CCSER1: variants seen among roughly 807,000 people sequenced by gnomAD.
CCSER1 encodes serine-rich coiled-coil domain-containing protein 1.
CCSER1 carries 41 observed loss-of-function variants against 82.0 expected under a neutral mutation model. The ratio of observed to expected loss-of-function variants is 0.50; its 90% CI spans 0.39 to 0.65. The LOEUF (loss-of-function observed/expected upper bound fraction) is 0.65, where lower values mean the gene tolerates loss of function less well. Ranked by LOEUF, CCSER1 falls within the 30% of genes least tolerant of loss-of-function variation. CCSER1 has a pLI of 0.00. For missense variants in CCSER1, 1,119 were observed against 1,064.2 expected (o/e 1.05, Z -0.72); for synonymous variants, 414 against 383.9 (o/e 1.08, Z -0.92).
chr4:91,420,842 G>A (rs1231915856), intron 10 of CCSER1, among the ~76,000 whole-genome samples: 1 of 152,086 alleles, frequency 6.6e-6, no homozygotes, highest in East Asian at 1.9e-4. Context: ...GATAGATAGA[G>A]ATATATAGAT....
chr4:90,232,809 T>C (rs1405157711), intron 1 of CCSER1, among the ~76,000 whole-genome samples: 10 of 150,900 alleles, frequency 6.6e-5, no homozygotes, highest in East Asian at 1.9e-4. Flanking sequence ...AAAAAGTGGG[T>C]GAAGGACATG....
intron 7 of CCSER1, among the ~76,000 whole-genome samples, chr4:90,734,081 A>G (rs1014210228): frequency 6.6e-6 from 1 of 151,604 alleles, no homozygotes; most frequent in African/African-American, 2.4e-5. Flanking sequence ...AATTTAATCT[A>G]TAGATTGCTA....
chr4:91,089,953 A>C (rs1723781119), intron 10 of CCSER1, among the ~76,000 whole-genome samples: 1 of 152,218 alleles, frequency 6.6e-6, no homozygotes, highest in African/African-American at 2.4e-5. Flanking sequence ...TTTGGTAGAT[A>C]GTATTCCTTA....
chr4:91,087,913 T>C (rs1723545850), intron 10 of CCSER1, among the ~76,000 whole-genome samples: 2 of 152,240 alleles, frequency 1.3e-5, no homozygotes, highest in African/African-American at 2.4e-5. Flanking sequence ...CAGGGAGGTA[T>C]AAGACAATTA....
chr4:91,251,768 G>A (rs1387933127), intron 10 of CCSER1, among the ~76,000 whole-genome samples: 2 of 152,128 alleles, frequency 1.3e-5, no homozygotes, highest in Non-Finnish European at 2.9e-5. Flanking sequence ...AGGGCCATAT[G>A]CACATATATG....
chr4:90,236,977 A>G (rs1324562334), intron 1 of CCSER1, among the ~76,000 whole-genome samples: 1 of 152,188 alleles, frequency 6.6e-6, no homozygotes, highest in Non-Finnish European at 1.5e-5. Flanking sequence ...TTCATAAAAA[A>G]CAAACCAGTG....
At chr4:91,535,493 A>ATCT (rs60476055) in intron 10 of CCSER1, among the ~76,000 whole-genome samples, 102,780 of 151,390 alleles carry the variant, frequency 0.68, 35,511 homozygotes, top group African/African-American at 0.81. Context: ...GAATAACCAA[A>ATCT]TCTTCCACTA....
intron 5 of CCSER1, among the ~76,000 whole-genome samples, chr4:90,551,706 C>CTCTCTCTCTCTCTATATA: frequency 1.6e-3 from 170 of 104,206 alleles, no homozygotes; most frequent in Middle Eastern, 6.4e-3. Flanking sequence ...CTCTCTCTCT[C>CTCTCTCTCTCTCTATATA]TATATATATA....
At chr4:91,080,437 TA>T (rs1369768941) in intron 9 of CCSER1, among the ~76,000 whole-genome samples, 22 of 152,298 alleles carry the variant, frequency 1.4e-4, no homozygotes, top group African/African-American at 5.3e-4. Context: ...GGTAAATTAA[TA>T]GCACTAAATG....
rs1247041664 is a variant in CCSER1, at chr4:91,147,481, AT to A, written c.2217+61489del. The stretch of plus-strand genomic sequence containing the variant: ...CTGCACCAGTCTTTCAGAGGGAGAG[AT>A]TCCCCGCTCCCATGCCAGCACATGA... On this transcript the variant is annotated intron_variant, in intron 10 of 10. Coordinates refer to ENST00000509176, the MANE Select transcript of CCSER1 (RefSeq NM_001145065.2). Among the ~76,000 whole-genome samples, 5 of 152,144 alleles carry A rather than the reference AT, an allele frequency of 3.3e-5. No individual in the cohort carries two copies. The East Asian group carries it at 9.7e-4, about 29-fold the overall frequency.
At chr4:90,155,837 TA>T (rs1368835821) in intron 1 of CCSER1, among the ~76,000 whole-genome samples, 3 of 151,570 alleles carry the variant, frequency 2.0e-5, no homozygotes, top group African/African-American at 7.3e-5. Context: ...CTGGATTCAT[TA>T]ATTTTTTGAA....
chr4:90,547,390 T>C (rs1247830600), intron 5 of CCSER1, among the ~76,000 whole-genome samples: 3 of 152,050 alleles, frequency 2.0e-5, no homozygotes, highest in African/African-American at 7.2e-5. Context: ...ACAATTTGTA[T>C]CCAGGAAAAC....
At chr4:90,364,723 CAGTT>C (rs1352163090) in intron 3 of CCSER1, among the ~76,000 whole-genome samples, 9 of 151,810 alleles carry the variant, frequency 5.9e-5, no homozygotes, top group Non-Finnish European at 1.3e-4. Context: ...GTAAAGAAGA[CAGTT>C]AGTGTGATGA....
chr4:91,050,672 G>A (rs1378911306), intron 9 of CCSER1, among the ~76,000 whole-genome samples: 1 of 152,158 alleles, frequency 6.6e-6, no homozygotes, highest in African/African-American at 2.4e-5. Flanking sequence ...TCGAGCAGGA[G>A]CAGTTGCTTC....
At chr4:90,468,110 A>T in intron 4 of CCSER1, 124 bp from the exon 5 acceptor site, 1 of 833,750 alleles carries the variant, frequency 1.2e-6, no homozygotes, top group African/African-American at 1.7e-5. Flanking sequence ...AGGATAATTT[A>T]ATAATTAATG....
chr4:91,411,483 CATATATACATATATATATATATATATAT>C (rs148858021), intron 10 of CCSER1, among the ~76,000 whole-genome samples: 33,539 of 69,186 alleles, frequency 0.48, 5,254 homozygotes, highest in Middle Eastern at 0.59. Flanking sequence ...TAAATTTCTG[CATATATACATATATATATATATATATAT>C]ATATATATAT....
At chr4:90,285,677 A>T (rs938425394) in intron 1 of CCSER1, among the ~76,000 whole-genome samples, 5 of 151,986 alleles carry the variant, frequency 3.3e-5, no homozygotes, top group African/African-American at 1.2e-4. Flanking sequence ...CCAGTACTAT[A>T]TTTAATAAAA....
intron 1 of CCSER1, among the ~76,000 whole-genome samples, chr4:90,172,101 T>C (rs1269323818): frequency 1.3e-5 from 2 of 151,916 alleles, no homozygotes; most frequent in African/African-American, 2.4e-5. Flanking sequence ...AAGGCCATGC[T>C]CTTTGCTCAT....
intron 7 of CCSER1, among the ~76,000 whole-genome samples, chr4:90,804,471 A>C (rs1757245433): frequency 6.6e-6 from 1 of 152,114 alleles, no homozygotes; most frequent in Non-Finnish European, 1.5e-5. Flanking sequence ...TAAATAGGGA[A>C]TATTTTCCCT....
Sources: allele counts gnomAD v4.1 joint callset (sites outside exome capture counted in the v4.1 genomes callset), GRCh38; gene constraint gnomAD v4.1.1; transcripts MANE v1.5; gene names NCBI Gene and HGNC (gene_info 2026-07-23, HGNC 2026-07-21).